Variants in TTC13 observed in about 807,000 individuals in gnomAD.
TTC13 encodes the protein tetratricopeptide repeat domain 13, also known as tetratricopeptide repeat protein 13.
TTC13 carries 62 observed loss-of-function variants against 120.0 expected under a neutral mutation model. That is an observed-to-expected ratio of 0.52 (90% CI 0.42 to 0.64). The LOEUF (loss-of-function observed/expected upper bound fraction) is 0.64, where lower values mean the gene tolerates loss of function less well. Among genes scored for constraint, TTC13 ranks in the 30% least tolerant of loss-of-function variants. The pLI is 0.00. For synonymous variants in TTC13, 384 were observed against 393.5 expected (o/e 0.98, Z 0.28); for missense variants, 824 against 1,050.2 (o/e 0.78, Z 2.98).
chr1:230,917,824 C>T (rs545013454), intron 17 of TTC13, among the ~76,000 whole-genome samples: 40 of 152,306 alleles, frequency 2.6e-4, no homozygotes, highest in Middle Eastern at 6.8e-3. Context: ...TGTATTCTGC[C>T]TAATACCACA....
intron 1 of TTC13, among the ~76,000 whole-genome samples, chr1:230,969,976 C>A (rs935303301): frequency 2.6e-5 from 4 of 152,214 alleles, no homozygotes; most frequent in Non-Finnish European, 4.4e-5. Flanking sequence ...AACCTCATTT[C>A]TTTTGATTCT....
At chr1:230,912,169 C>T (rs1220143164) in intron 19 of TTC13, among the ~76,000 whole-genome samples, 1 of 152,094 alleles carries the variant, frequency 6.6e-6, no homozygotes, top group Non-Finnish European at 1.5e-5. Context: ...AGAAGAAGGC[C>T]ACAGACCAGG....
intron 6 of TTC13, among the ~76,000 whole-genome samples, chr1:230,941,114 C>A (rs1305288961): frequency 1.3e-5 from 2 of 152,118 alleles, no homozygotes; most frequent in Non-Finnish European, 2.9e-5. Flanking sequence ...TATCTGCAAG[C>A]CTGTTTGGAA....
chr1:230,945,556 C>T, intron 4 of TTC13, 102 bp from the exon 5 acceptor site: 1 of 1,026,954 alleles, frequency 9.7e-7, no homozygotes, highest in Middle Eastern at 2.2e-4. Flanking sequence ...GACAGCTCTA[C>T]TTCTTTATGC....
chr1:230,907,606 C>G (rs1003549694), intron 22 of TTC13, among the ~76,000 whole-genome samples: 1 of 152,182 alleles, frequency 6.6e-6, no homozygotes, highest in Non-Finnish European at 1.5e-5. Flanking sequence ...AACTAATAAG[C>G]CTGAAACAAC....
chr1:230,955,866 C>G (rs1223055631), intron 3 of TTC13, among the ~76,000 whole-genome samples: 2 of 152,102 alleles, frequency 1.3e-5, no homozygotes, highest in East Asian at 3.9e-4. Flanking sequence ...AAATTAAGCC[C>G]AAATTCATGC....
At chr1:230,932,614 T>G (rs986281737) in intron 9 of TTC13, among the ~76,000 whole-genome samples, 4 of 152,206 alleles carry the variant, frequency 2.6e-5, no homozygotes, top group Non-Finnish European at 5.9e-5. Flanking sequence ...CATACAGCAC[T>G]TTACAAGGTG....
At position 230,924,768 on chromosome 1, in the gene TTC13, G is replaced by A. The variant is rs1178177273; in HGVS notation, c.1721+73C>T. On this transcript the variant is annotated intron_variant, in intron 14 of 22. Transcript: ENST00000366661. The stretch of plus-strand genomic sequence containing the variant: ...GCAAGCAAAACAGGGTTCATAGCCT[G>A]TTAGCTAAAACAGACTGACGTTATT... 5 of 1,573,062 alleles carry A rather than the reference G, an allele frequency of 3.2e-6. No individual in the cohort carries two copies. In the Admixed American group the frequency reaches 5.0e-5, roughly 16 times the overall value.
At chr1:230,917,455 C>G (rs945109870) in intron 17 of TTC13, among the ~76,000 whole-genome samples, 13 of 152,174 alleles carry the variant, frequency 8.5e-5, no homozygotes, top group African/African-American at 2.9e-4. Flanking sequence ...CTTGGTTTTT[C>G]ATCAACAGTA....
At chr1:230,923,807 AG>A (rs1558177213) in intron 15 of TTC13, 33 bp downstream of exon 15, 3 of 1,569,816 alleles carry the variant, frequency 1.9e-6, no homozygotes, top group Non-Finnish European at 2.6e-6. Context: ...ATAAACTCCT[AG>A]GAAAAGAAGA....
In TTC13 at chr1:230,906,974, A is replaced by G; in HGVS notation, c.2514T>C (p.Phe838=). The change falls in exon 23 of 23, where the codon TTT becomes TTC. Residue 838 remains phenylalanine (F), a synonymous_variant. Transcript: ENST00000366661. The stretch of plus-strand genomic sequence containing the variant: ...CCTCAATCATCGATCTTAACGTTGG[A>G]AACGTTTCTGATACTGATGGAAGAG... ...YKTLPSVSET[F]PTLRSMIEVL... is the part of the protein sequence containing the mutation. 2 of 1,544,588 alleles carry G rather than the reference A, an allele frequency of 1.3e-6. No individual in the cohort carries two copies. The highest frequency in any genetic ancestry group is 1.7e-6 in the Non-Finnish European group (2 of 1,153,846).
At chr1:230,936,030 G>C (rs566269981) in intron 8 of TTC13, 21 of 370,530 alleles carry the variant, frequency 5.7e-5, no homozygotes, top group South Asian at 3.8e-4. Context: ...AAGTACAGGA[G>C]AAAGGGCAGC....
intron 16 of TTC13, 33 bp downstream of exon 16, chr1:230,921,388 T>A (rs1209102122): frequency 2.5e-6 from 3 of 1,195,086 alleles, no homozygotes; most frequent in Non-Finnish European, 3.6e-6. Context: ...TGAAATCAAC[T>A]CATTACTAAG....
chr1:230,906,887 A>G lies in TTC13; in HGVS notation c.*18T>C. Reference sequence around the variant, plus strand: ...GCAAGAGGTCCGGCCCTTTACTTGTATAAATACAGCAGCAGAACTAGAGTT... The same window carrying G: ...GCAAGAGGTCCGGCCCTTTACTTGTGTAAATACAGCAGCAGAACTAGAGTT... On this transcript the variant is annotated 3_prime_UTR_variant, in exon 23 of 23. Coordinates refer to ENST00000366661, the MANE Select transcript of TTC13 (RefSeq NM_024525.5). 7.5e-7 allele frequency: 1 copy of G among 1,327,822 alleles called. No homozygotes were observed. Among genetic ancestry groups the G allele is most frequent in the Admixed American group, 2.7e-5 (1 of 37,268 alleles). 82.3% of individuals were successfully genotyped at this position (1,327,822 alleles called of 1,614,324 possible). A position where few individuals can be genotyped will look rare whatever the true frequency, so the allele number is the denominator to read the frequency against.
At chr1:230,948,792 A>C (rs1275281468) in intron 4 of TTC13, among the ~76,000 whole-genome samples, 1 of 152,054 alleles carries the variant, frequency 6.6e-6, no homozygotes, top group East Asian at 1.9e-4. Flanking sequence ...ACCCAGCTTC[A>C]CTTCATACCC....
intron 12 of TTC13, among the ~76,000 whole-genome samples, chr1:230,927,545 T>C (rs1673149549): frequency 6.6e-6 from 1 of 152,150 alleles, no homozygotes; most frequent in Admixed American, 6.6e-5. Flanking sequence ...TTTCTATTGG[T>C]TGTCTCTTAT....
chr1:230,922,264 T>A (rs1365466435), intron 15 of TTC13, among the ~76,000 whole-genome samples: 2 of 152,156 alleles, frequency 1.3e-5, no homozygotes, highest in Non-Finnish European at 2.9e-5. Flanking sequence ...CTGCCAGTGC[T>A]CCTGATTCTA....
rs752485580 is a variant in TTC13, at chr1:230,961,320, CT to C, written c.272-18del. On this transcript the variant is annotated intron_variant, in intron 1 of 22. Coordinates refer to ENST00000366661, the MANE Select transcript of TTC13 (RefSeq NM_024525.5). ...AGGATGACTCTGAAAGGCAAGCATT[CT>C]TTGTTATTCTCTACACCTTAATTTA... 1.9e-6 allele frequency: 3 copies of C among 1,574,502 alleles called. No individual in the cohort carries two copies. The highest frequency in any genetic ancestry group is 2.6e-6 in the Non-Finnish European group (3 of 1,146,656).
intron 9 of TTC13, among the ~76,000 whole-genome samples, chr1:230,932,318 A>G (rs1250576482): frequency 2.6e-5 from 4 of 151,018 alleles, no homozygotes; most frequent in African/African-American, 4.9e-5. Flanking sequence ...TTTGGTCACC[A>G]AAGTTGCTTT....
Sources: gnomAD v4.1 joint callset for allele counts (sites outside exome capture counted in the v4.1 genomes callset) on GRCh38, gnomAD v4.1.1 for gene constraint, MANE v1.5 for transcripts, NCBI Gene and HGNC (gene_info 2026-07-23, HGNC 2026-07-21) for gene names.